Variants in ZNF638 observed in about 807,000 individuals in gnomAD.
ZNF638 encodes CTCL tumor antigen se33-1.
ZNF638 carries 46 observed loss-of-function variants against 195.6 expected under a neutral mutation model. The observed-to-expected ratio is 0.24, with a 90% CI of 0.19 to 0.30. The LOEUF is 0.30. Among genes scored for constraint, ZNF638 ranks in the 10% least tolerant of loss-of-function variants. The probability of loss-of-function intolerance (pLI) is 1.00; values close to 1 mark genes in which losing one functional copy is unlikely to be tolerated. For missense variants in ZNF638, 2,440 were observed against 2,325.3 expected (o/e 1.05, Z -1.01); for synonymous variants, 845 against 772.0 (o/e 1.09, Z -1.57).
intron 10 of ZNF638, among the ~76,000 whole-genome samples, chr2:71,392,942 G>C (rs1420843902): frequency 6.6e-6 from 1 of 152,108 alleles, no homozygotes; most frequent in Non-Finnish European, 1.5e-5. Flanking sequence ...GCTCTTCCTG[G>C]AGAGTCCACA....
In ZNF638 at chr2:71,364,261, A is replaced by G; in HGVS notation, c.1717+9A>G. On this transcript the variant is annotated intron_variant, in intron 5 of 27. Transcript: ENST00000264447. The stretch of plus-strand genomic sequence containing the variant: ...ATCAGTGAGATCATCAGGTACACTG[A>G]TGGCCATGAAATAGTGAATGTACTT... The G allele has an allele frequency of 6.2e-7, 1 of 1,603,118 alleles. No homozygotes were observed. Among genetic ancestry groups the G allele is most frequent in the African/African-American group, 1.3e-5 (1 of 74,532 alleles).
rs1301293576 is a variant in ZNF638, at chr2:71,423,360, G to A, written c.3846G>A (p.Thr1282=). The change falls in exon 22 of 28, where the codon ACG becomes ACA. Residue 1282 remains threonine (T), a synonymous_variant. Coordinates refer to ENST00000264447, the MANE Select transcript of ZNF638 (RefSeq NM_014497.5). ...SEILPSTCIV[T]LVPGIPTGDE... ...TATTGCCATCAACTTGTATTGTGACGTTAGTACCAGGAATTCCCACTGGGG... is the reference window on the plus strand; with the variant it reads ...TATTGCCATCAACTTGTATTGTGACATTAGTACCAGGAATTCCCACTGGGG... 8.7e-6 allele frequency: 14 copies of A among 1,613,748 alleles called. No individual in the cohort carries two copies. Among genetic ancestry groups the A allele is most frequent in the Middle Eastern group, 1.6e-4 (1 of 6,084 alleles).
At chr2:71,409,916 G>A (rs1446944657) in intron 20 of ZNF638, among the ~76,000 whole-genome samples, 1 of 152,056 alleles carries the variant, frequency 6.6e-6, no homozygotes, top group Non-Finnish European at 1.5e-5. Context: ...ACATTCTCAA[G>A]TATTTTTTTT....
At position 71,373,437 on chromosome 2, in the gene ZNF638, A is replaced by ATTTTTTTTT. The variant is rs754117239; in HGVS notation, c.2265+3451_2265+3459dup. Among the ~76,000 whole-genome samples, 28 of 71,048 alleles carry ATTTTTTTTT rather than the reference A, an allele frequency of 3.9e-4. 2 individuals carry two copies. The highest frequency in any genetic ancestry group is 1.5e-3 in the African/African-American group (26 of 17,850). 46.6% of individuals were successfully genotyped at this position (71,048 alleles called of 152,430 possible). On this transcript the variant is annotated intron_variant, in intron 8 of 27. Coordinates refer to ENST00000264447, the MANE Select transcript of ZNF638 (RefSeq NM_014497.5). ...TTATGCATACATATATCAAGTTTGA[A>ATTTTTTTTT]TTTTTTTTTTTTTTTTTTTTTTTTT...
At position 71,425,087 on chromosome 2, in the gene ZNF638, A is replaced by G. The variant is rs537355020; in HGVS notation, c.4590+372A>G. Reference sequence around the variant, plus strand: ...TGACTTGAGTCATCCTCATTTTGTTAAAACAGGTTATCCTTTTGGCTCTAA... The same window carrying G: ...TGACTTGAGTCATCCTCATTTTGTTGAAACAGGTTATCCTTTTGGCTCTAA... On this transcript the variant is annotated intron_variant, in intron 23 of 27. Coordinates refer to ENST00000264447, the MANE Select transcript of ZNF638 (RefSeq NM_014497.5). 2.6e-5 allele frequency among the ~76,000 whole-genome samples: 4 copies of G among 152,344 alleles called. No homozygotes were observed. The East Asian group carries it at 7.7e-4, about 29-fold the overall frequency.
At chr2:71,427,553 A>G in intron 24 of ZNF638, 139 bp downstream of exon 24, 2 of 584,328 alleles carry the variant, frequency 3.4e-6, no homozygotes, top group Non-Finnish European at 5.3e-6. Flanking sequence ...AAAGTCAACA[A>G]TAAATTTTCC....
chr2:71,417,085 G>T (rs954766438), intron 20 of ZNF638, among the ~76,000 whole-genome samples: 2 of 126,222 alleles, frequency 1.6e-5, no homozygotes, highest in East Asian at 2.4e-4. Flanking sequence ...CCTCGTTGCC[G>T]CCTTGCAGTT....
At chr2:71,424,086 C>CTCCG in intron 22 of ZNF638, 48 bp downstream of exon 22, 3 of 1,573,298 alleles carry the variant, frequency 1.9e-6, no homozygotes, top group Non-Finnish European at 2.6e-6. Flanking sequence ...AAGTGATTAG[C>CTCCG]TCCGCTGCTG....
intron 8 of ZNF638, among the ~76,000 whole-genome samples, chr2:71,373,076 A>C (rs1219855110): frequency 2.0e-5 from 3 of 152,206 alleles, no homozygotes; most frequent in Non-Finnish European, 2.9e-5. Flanking sequence ...TGGATAATAT[A>C]AGATTGCTCA....
chr2:71,400,560 A>G, intron 15 of ZNF638, 42 bp downstream of exon 15: 1 of 1,507,788 alleles, frequency 6.6e-7, no homozygotes, highest in Non-Finnish European at 8.9e-7. Context: ...AGCTCAAGAC[A>G]TTTTAACAAA....
chr2:71,375,344 C>G lies in ZNF638; in HGVS notation c.2266-4878C>G, dbSNP rs1208397766. 7 of 152,376 alleles carry G rather than the reference C, an allele frequency of 4.6e-5. No homozygotes were observed. The East Asian group carries it at 1.3e-3, about 29-fold the overall frequency. 9.4% of individuals were successfully genotyped at this position (152,376 alleles called of 1,614,324 possible). ...TGTAGGTGGTCCAGTGCTCGTGCAA[C>G]AGCTCCATAATATCTTCAGGAACCT... On this transcript the variant is annotated intron_variant, in intron 8 of 27. Coordinates refer to ENST00000264447, the MANE Select transcript of ZNF638 (RefSeq NM_014497.5).
At position 71,427,428 on chromosome 2, in the gene ZNF638, A is replaced by AGG. The variant is rs1174559263; in HGVS notation, c.5545+17_5545+18dup. 1 of 1,512,718 alleles carries AGG rather than the reference A, an allele frequency of 6.6e-7. No individual in the cohort carries two copies. The highest frequency in any genetic ancestry group is 8.8e-7 in the Non-Finnish European group (1 of 1,135,060). 93.7% of individuals were successfully genotyped at this position (1,512,718 alleles called of 1,614,324 possible). A position where few individuals can be genotyped will look rare whatever the true frequency, so the allele number is the denominator to read the frequency against. On this transcript the variant is annotated intron_variant, in intron 24 of 27. Transcript: ENST00000264447. The stretch of plus-strand genomic sequence containing the variant: ...GACACTTAACAGGTAGATACTTGGA[A>AGG]GGGGTAGTCTTTCTGTTTTATGAGG...
Position 71,349,405 on chromosome 2 carries a change from A to C in ZNF638, c.451A>C (p.Asn151His). 1 of 1,614,206 alleles carries C rather than the reference A, an allele frequency of 6.2e-7. No homozygotes were observed. Among genetic ancestry groups the C allele is most frequent in the East Asian group, 2.2e-5 (1 of 44,882 alleles). Reference protein sequence around the residue: ...SSILASFGLSNEDLEELSRYP... With the variant: ...SSILASFGLSHEDLEELSRYP... ...TATCTTAGCAAGTTTTGGATTATCT[A>C]ATGAAGACCTAGAAGAACTTAGTCG... The change falls in exon 2 of 28, where the codon AAT (asparagine) becomes CAT (histidine). Residue 151 changes from asparagine (N) to histidine (H), a missense_variant. This residue lies in a region of ZNF638 where 24 missense variants were observed against 53.1 expected (regional missense o/e 0.45). Transcript: ENST00000264447.
At position 71,423,836 on chromosome 2, in the gene ZNF638, A is replaced by T; in HGVS notation, c.4322A>T (p.Lys1441Ile). The T allele has an allele frequency of 6.2e-7, 1 of 1,614,158 alleles. No homozygotes were observed. Residue 1441 changes from lysine to isoleucine, a missense_variant, in exon 22 of 28, where the codon AAA becomes ATA. Physicochemically the swap from Lys to Ile is moderately radical, Grantham distance 102. Around this residue, in one of 5 missense-constraint regions of ZNF638, gnomAD observed 1,883 missense variants for 1,739.1 expected, o/e 1.08. Coordinates refer to ENST00000264447, the MANE Select transcript of ZNF638 (RefSeq NM_014497.5). ...KLSAKEFGLL[K>I]PTSARSGLAE... Reference sequence around the variant, plus strand: ...TCAGCCAAGGAATTTGGTCTGCTTAAACCCACAAGTGCCAGGTCAGGCTTG... The same window carrying T: ...TCAGCCAAGGAATTTGGTCTGCTTATACCCACAAGTGCCAGGTCAGGCTTG...
intron 10 of ZNF638, chr2:71,388,805 C>A (rs145584166): frequency 2.6e-6 from 2 of 776,332 alleles, no homozygotes; most frequent in Non-Finnish European, 2.3e-6. Context: ...AACAGCTGTC[C>A]GCACAACAGA....
intron 1 of ZNF638, among the ~76,000 whole-genome samples, chr2:71,345,913 T>G (rs1414239802): frequency 6.6e-6 from 1 of 152,202 alleles, no homozygotes; most frequent in Non-Finnish European, 1.5e-5. Flanking sequence ...AGAAGACCAC[T>G]CTTAGAGTAC....
At chr2:71,381,030 A>G (rs1458701398) in intron 10 of ZNF638, 1 of 152,294 alleles carries the variant, frequency 6.6e-6, no homozygotes, top group East Asian at 1.9e-4. Flanking sequence ...ATTTCTTTAT[A>G]CTCAGGAAAA....
intron 25 of ZNF638, among the ~76,000 whole-genome samples, chr2:71,429,983 G>A (rs983558540): frequency 2.0e-5 from 3 of 152,152 alleles, no homozygotes; most frequent in Admixed American, 1.3e-4. Flanking sequence ...GTCACCCCCC[G>A]ACTTCAGAAT....
chr2:71,356,082 C>T (rs1436881068), intron 3 of ZNF638, among the ~76,000 whole-genome samples: 2 of 152,164 alleles, frequency 1.3e-5, no homozygotes, highest in African/African-American at 4.8e-5. Context: ...AGCAGGTATC[C>T]TTTCTTCTCC....
Sources: allele counts gnomAD v4.1 joint callset (sites outside exome capture counted in the v4.1 genomes callset), GRCh38; gene constraint gnomAD v4.1.1; regional missense constraint gnomAD v4.1.1; transcripts MANE v1.5; gene names NCBI Gene and HGNC (gene_info 2026-07-23, HGNC 2026-07-21).